SLC5A10: variants seen among roughly 807,000 people sequenced by gnomAD.
SLC5A10 encodes the protein solute carrier family 5 member 10.
A neutral mutation model predicts 68.9 loss-of-function variants in SLC5A10; 55 were observed. The observed-to-expected ratio is 0.80, with a 90% confidence interval of 0.64 to 1.00. The LOEUF is 1.00. SLC5A10 is among the 50% of genes least tolerant of loss of function. The pLI, the probability that SLC5A10 is intolerant of heterozygous loss-of-function variation, is 0.00. For synonymous variants in SLC5A10, 344 were observed against 344.8 expected, an observed-to-expected ratio of 1.00 and a Z score of 0.02; for missense variants, 732 against 819.3, an observed-to-expected ratio of 0.89 and a Z score of 1.30.
chr17:18,993,948 C>T (rs187137672), intron 9 of SLC5A10, among the ~76,000 whole-genome samples: 3 of 152,324 alleles, frequency 2.0e-5, no homozygotes, highest in East Asian at 1.9e-4. Flanking sequence ...GGCAGCTGCA[C>T]GGACCCTCCT....
intron 9 of SLC5A10, among the ~76,000 whole-genome samples, chr17:18,998,612 C>T (rs1169044665): frequency 6.6e-6 from 1 of 152,230 alleles, no homozygotes; most frequent in Non-Finnish European, 1.5e-5. Context: ...AGTGCCCAGA[C>T]GGGCAGGCAC....
chr17:19,004,961 C>A lies in SLC5A10; in HGVS notation c.983-8449C>A, dbSNP rs1329510807. 6.6e-6 allele frequency among the ~76,000 whole-genome samples: 1 copy of A among 152,216 alleles called. No homozygotes were observed. The highest frequency in any genetic ancestry group is 6.5e-5 in the Admixed American group (1 of 15,292). On this transcript the variant is annotated intron_variant, in intron 9 of 14. Transcript: ENST00000395645. This position sits in a 1 kb window ranked among gnomAD's most constrained non-coding sequence, Gnocchi z 5.4. Reference sequence around the variant, plus strand: ...ATCAGAGGCCTAAGCCCAAGAGCTCCTGGAACACCCATCCCAGAGAGGGAC... The same window carrying A: ...ATCAGAGGCCTAAGCCCAAGAGCTCATGGAACACCCATCCCAGAGAGGGAC...
At chr17:18,959,579 T>C (rs1373098276) in intron 3 of SLC5A10, 25 bp from the exon 4 acceptor site, 9 of 1,612,548 alleles carry the variant, frequency 5.6e-6, no homozygotes, top group Non-Finnish European at 7.6e-6. Context: ...GCACCTGCAG[T>C]CCTCACCTGT....
rs1224723506 is a variant in SLC5A10 at position 18,969,173 on chromosome 17, C to T, written c.559+16C>T. On this transcript the variant is annotated intron_variant, in intron 6 of 14. Transcript: ENST00000395645. ...ACCATCGCAGGTATGGTGCCTGCAG[C>T]AGGGAGGTCCACCCAGGGGACGTGT... is the stretch of plus-strand genomic sequence containing the variant. 45 of 1,611,226 alleles carry T rather than the reference C, an allele frequency of 2.8e-5. No individual in the cohort carries two copies. Among genetic ancestry groups the T allele is most frequent in the Non-Finnish European group, 3.8e-5 (45 of 1,178,482 alleles).
rs1415229658 is a variant in SLC5A10 at position 19,018,626 on chromosome 17, T to C, written c.1242-797T>C. 1 of 152,520 alleles carries C rather than the reference T, an allele frequency of 6.6e-6. No homozygotes were observed. The highest frequency in any genetic ancestry group is 1.5e-5 in the Non-Finnish European group (1 of 68,248). 9.4% of individuals were successfully genotyped at this position (152,520 alleles called of 1,614,324 possible). A position where few individuals can be genotyped will look rare whatever the true frequency, so the allele number is the denominator to read the frequency against. ...GCATGTGCCTGTTGTAGAGGGGCTCTTGGCCTAAGGGAGAGGCAGGCAGGA... is the reference window on the plus strand; with the variant it reads ...GCATGTGCCTGTTGTAGAGGGGCTCCTGGCCTAAGGGAGAGGCAGGCAGGA... On this transcript the variant is annotated intron_variant, in intron 11 of 14. Coordinates refer to ENST00000395645, the MANE Select transcript of SLC5A10 (RefSeq NM_001042450.4). The surrounding 1 kb of genome is among the most constrained non-coding windows in gnomAD (Gnocchi z 4.2).
At chr17:18,966,931 A>G (rs746372877) in intron 5 of SLC5A10, among the ~76,000 whole-genome samples, 1 of 151,922 alleles carries the variant, frequency 6.6e-6, no homozygotes, top group Non-Finnish European at 1.5e-5. Context: ...TGTGCTCCAC[A>G]CCCACTTCCC....
Position 19,004,159 on chromosome 17 carries a change from C to G in SLC5A10, c.983-9251C>G, listed in dbSNP as rs1475877026. On this transcript the variant is annotated intron_variant, in intron 9 of 14. Coordinates refer to ENST00000395645, the MANE Select transcript of SLC5A10 (RefSeq NM_001042450.4). This position sits in a 1 kb window ranked among gnomAD's most constrained non-coding sequence, Gnocchi z 5.4. ...CTCTCCGCGGCCTCTGCTTCTCTGC[C>G]CATGAGCAATCTGCGGGAAAGACCT... The G allele has an allele frequency of 1.9e-5, 19 of 1,019,766 alleles. No homozygotes were observed. The highest frequency in any genetic ancestry group is 2.9e-5 in the Admixed American group (1 of 34,420). 63.2% of individuals were successfully genotyped at this position (1,019,766 alleles called of 1,614,324 possible).
chr17:18,987,942 C>A (rs2043311985), intron 9 of SLC5A10, among the ~76,000 whole-genome samples: 1 of 152,248 alleles, frequency 6.6e-6, no homozygotes, highest in Non-Finnish European at 1.5e-5. Flanking sequence ...AAACAGATAA[C>A]CGATGTGGCA....
chr17:18,953,852 A>G (rs1450552654), intron 1 of SLC5A10: 1 of 152,542 alleles, frequency 6.6e-6, no homozygotes, highest in Non-Finnish European at 1.5e-5. Context: ...TTCTGTAAGT[A>G]TCTCCAAATC....
chr17:18,991,513 G>A (rs892439211), intron 9 of SLC5A10, among the ~76,000 whole-genome samples: 3 of 152,170 alleles, frequency 2.0e-5, no homozygotes, highest in Non-Finnish European at 2.9e-5. Flanking sequence ...GGAAATGAGA[G>A]GGGAGGCTGA....
At chr17:18,984,894 C>A (rs141384248) in intron 9 of SLC5A10, among the ~76,000 whole-genome samples, 10 of 152,364 alleles carry the variant, frequency 6.6e-5, no homozygotes, top group African/African-American at 2.4e-4. Context: ...CCACTGGGGC[C>A]GGCCAGGGCA....
chr17:18,973,886 T>TG (rs2152004542), intron 8 of SLC5A10, among the ~76,000 whole-genome samples: 1 of 107,650 alleles, frequency 9.3e-6, no homozygotes, highest in African/African-American at 4.2e-5. Context: ...TTTTTTAAGT[T>TG]TTTTTTTTTT....
At position 18,969,312 on chromosome 17, in the gene SLC5A10, C is replaced by A. The variant is rs185867215; in HGVS notation, c.560-30C>A. 12,004 of 1,609,438 alleles carry A rather than the reference C, an allele frequency of 7.5e-3. 63 individuals are homozygous for A. Among genetic ancestry groups the A allele is most frequent in the Non-Finnish European group, 8.7e-3 (10,269 of 1,177,356 alleles). On this transcript the variant is annotated intron_variant, in intron 6 of 14. Coordinates refer to ENST00000395645, the MANE Select transcript of SLC5A10 (RefSeq NM_001042450.4). ...TGTCCCTCCTCCCTGGGGCCAGGGC[C>A]CCCTCCAGCAACCTTGCTTCCACTG...
At chr17:18,959,015 T>C in intron 2 of SLC5A10, 120 bp from the exon 3 acceptor site, 1 of 979,638 alleles carries the variant, frequency 1.0e-6, no homozygotes. Context: ...GGGCTCCTCA[T>C]CCGTGAGGTG....
intron 5 of SLC5A10, among the ~76,000 whole-genome samples, chr17:18,962,885 G>A (rs976764585): frequency 1.3e-5 from 2 of 152,116 alleles, no homozygotes; most frequent in African/African-American, 2.4e-5. Context: ...CCTCACACTC[G>A]GAGAGTCCTG....
At position 18,976,836 on chromosome 17, in the gene SLC5A10, C is replaced by T. The variant is rs1388670424; in HGVS notation, c.847-18C>T. On this transcript the variant is annotated intron_variant, in intron 8 of 14. Coordinates refer to ENST00000395645, the MANE Select transcript of SLC5A10 (RefSeq NM_001042450.4). ...TCCCTCAGGCTTGGACTCACCCCGT[C>T]TCGCACTCCACCCCCAGGTCATCGT... 6.2e-7 allele frequency: 1 copy of T among 1,612,412 alleles called. No individual in the cohort carries two copies. The highest frequency in any genetic ancestry group is 1.1e-5 in the South Asian group (1 of 91,062).
At chr17:19,002,656 A>G (rs563789996) in intron 9 of SLC5A10, among the ~76,000 whole-genome samples, 1 of 152,348 alleles carries the variant, frequency 6.6e-6, no homozygotes, top group African/African-American at 2.4e-5. Context: ...AACGATGAGA[A>G]GGTACTTACG....
At chr17:18,956,465 GTTTTTTTTTT>G (rs750867503) in intron 1 of SLC5A10, among the ~76,000 whole-genome samples, 1 of 98,010 alleles carries the variant, frequency 1.0e-5, no homozygotes, top group Non-Finnish European at 2.0e-5. Context: ...TTTTCTTTCT[GTTTTTTTTTT>G]TTTTTTTTTT....
At chr17:18,953,401 G>A (rs916845748) in intron 1 of SLC5A10, among the ~76,000 whole-genome samples, 3 of 152,122 alleles carry the variant, frequency 2.0e-5, no homozygotes, top group African/African-American at 4.8e-5. Flanking sequence ...CAAAGTGCTA[G>A]AATTACAGGC....
Sources: gnomAD v4.1 joint callset for allele counts (sites outside exome capture counted in the v4.1 genomes callset) on GRCh38, gnomAD v4.1.1 for gene constraint, Gnocchi (gnomAD v3.1) non-coding constraint, MANE v1.5 for transcripts, NCBI Gene and HGNC (gene_info 2026-07-23, HGNC 2026-07-21) for gene names.